Variants in MMP16 observed in about 807,000 individuals in gnomAD.
The protein encoded by MMP16 is matrix metalloproteinase-16.
A neutral mutation model predicts 67.8 loss-of-function variants in MMP16; 12 were observed. The ratio of observed to expected loss-of-function variants is 0.18; its 90% CI spans 0.11 to 0.29. MMP16 has a LOEUF of 0.29. Among genes scored for constraint, MMP16 ranks in the 10% least tolerant of loss-of-function variants. The pLI is 1.00. For missense variants in MMP16, 475 were observed against 765.7 expected (o/e 0.62, Z 4.48); for synonymous variants, 249 against 255.9 (o/e 0.97, Z 0.26).
intron 8 of MMP16, among the ~76,000 whole-genome samples, chr8:88,054,945 T>C (rs1250321762): frequency 6.6e-6 from 1 of 152,268 alleles, no homozygotes; most frequent in African/African-American, 2.4e-5. Context: ...TATGTGTGTA[T>C]TTTCTTAAAA....
chr8:88,111,450 C>T (rs1809335272), intron 6 of MMP16, among the ~76,000 whole-genome samples: 1 of 151,492 alleles, frequency 6.6e-6, no homozygotes, highest in Non-Finnish European at 1.5e-5. Context: ...CCTGTAGAGC[C>T]ACGAGTGTTT....
chr8:88,196,208 TGAA>T (rs1034211191), intron 2 of MMP16, among the ~76,000 whole-genome samples: 1 of 152,196 alleles, frequency 6.6e-6, no homozygotes, highest in Non-Finnish European at 1.5e-5. Context: ...TTCCTATTGT[TGAA>T]GGTTGATGTA....
At chr8:88,274,034 T>C (rs1033931339) in intron 1 of MMP16, among the ~76,000 whole-genome samples, 1 of 152,084 alleles carries the variant, frequency 6.6e-6, no homozygotes, top group Non-Finnish European at 1.5e-5. Flanking sequence ...GAAATACTAG[T>C]TTTATGGGAA....
At chr8:88,139,588 G>A (rs951323510) in intron 4 of MMP16, among the ~76,000 whole-genome samples, 2 of 152,042 alleles carry the variant, frequency 1.3e-5, no homozygotes, top group Non-Finnish European at 2.9e-5. Flanking sequence ...GAAAAGCAGG[G>A]ATAATTGCCA....
intron 6 of MMP16, among the ~76,000 whole-genome samples, chr8:88,075,144 T>C (rs892211653): frequency 7.9e-5 from 12 of 152,102 alleles, no homozygotes; most frequent in Non-Finnish European, 1.5e-4. Context: ...ACCTACCATG[T>C]TGAGGATGAA....
At chr8:88,295,999 A>C (rs1357824323) in intron 1 of MMP16, among the ~76,000 whole-genome samples, 1 of 151,962 alleles carries the variant, frequency 6.6e-6, no homozygotes, top group Non-Finnish European at 1.5e-5. Flanking sequence ...TACATTAATA[A>C]AAATTTCATA....
intron 6 of MMP16, among the ~76,000 whole-genome samples, chr8:88,114,812 C>G (rs1311163743): frequency 6.6e-6 from 1 of 151,932 alleles, no homozygotes; most frequent in Non-Finnish European, 1.5e-5. Context: ...TTTAAGGAAG[C>G]AGGCCTTAGT....
At chr8:88,116,485 A>T in intron 6 of MMP16, 22 bp downstream of exon 6, 2 of 1,605,660 alleles carry the variant, frequency 1.2e-6, no homozygotes, top group Non-Finnish European at 1.7e-6. Flanking sequence ...CTGTTAAAAA[A>T]AAAAAAATCA....
At chr8:88,062,663 G>A (rs79809142) in intron 7 of MMP16, among the ~76,000 whole-genome samples, 2 of 151,408 alleles carry the variant, frequency 1.3e-5, no homozygotes, top group East Asian at 1.9e-4. Context: ...GTTGTGGGGT[G>A]GGGGGAGTGG....
rs534934969 is a variant in MMP16 at position 88,206,336 on chromosome 8, G to T, written c.133-9030C>A. ...AATGTGGTTTCGTTATGATGATGAT[G>T]ATAAAAAAAAATAAATTCCCAGCTG... On this transcript the variant is annotated intron_variant, in intron 1 of 9. Transcript: ENST00000286614. 1.4e-3 allele frequency among the ~76,000 whole-genome samples: 219 copies of T among 152,112 alleles called. 1 individual carries two copies. Among genetic ancestry groups the T allele is most frequent in the South Asian group, 2.5e-3 (12 of 4,820 alleles).
At chr8:88,072,184 G>T (rs1243634107) in intron 7 of MMP16, among the ~76,000 whole-genome samples, 1 of 152,012 alleles carries the variant, frequency 6.6e-6, no homozygotes, top group East Asian at 1.9e-4. Context: ...TCTTTTGAGG[G>T]TGATAAGGGC....
chr8:88,228,603 A>G (rs1809808054), intron 1 of MMP16, among the ~76,000 whole-genome samples: 1 of 152,124 alleles, frequency 6.6e-6, no homozygotes. Flanking sequence ...TTTTACTTAC[A>G]TGTATATACA....
rs898297068 is a variant in MMP16, at chr8:88,132,604, C to T, written c.710-13743G>A. Among the ~76,000 whole-genome samples, 14 of 151,848 alleles carry T rather than the reference C, an allele frequency of 9.2e-5. No homozygotes were observed. In the South Asian group the frequency reaches 1.9e-3, roughly 20 times the overall value. ...ATGTTGGCTATGACATGTCATCTGG[C>T]TTCCTCCATAGTGACTGATGAGACA... On this transcript the variant is annotated intron_variant, in intron 4 of 9. Coordinates refer to ENST00000286614, the MANE Select transcript of MMP16 (RefSeq NM_005941.5).
chr8:88,161,240 A>G (rs532586293), intron 4 of MMP16, among the ~76,000 whole-genome samples: 3 of 152,276 alleles, frequency 2.0e-5, no homozygotes, highest in African/African-American at 7.2e-5. Flanking sequence ...TTACTGGTCT[A>G]TTCAGAGATT....
At chr8:88,093,448 T>A (rs531458796) in intron 6 of MMP16, among the ~76,000 whole-genome samples, 1 of 151,914 alleles carries the variant, frequency 6.6e-6, no homozygotes, top group African/African-American at 2.4e-5. Flanking sequence ...TAAGCGCGAA[T>A]CACTGAGACA....
chr8:88,159,931 C>T (rs577832151), intron 4 of MMP16, among the ~76,000 whole-genome samples: 20 of 149,602 alleles, frequency 1.3e-4, no homozygotes, highest in Middle Eastern at 3.4e-3. Flanking sequence ...TGCTGGATTA[C>T]GTTTATTGAT....
chr8:88,191,853 G>A (rs1367558729), intron 2 of MMP16, among the ~76,000 whole-genome samples: 3 of 152,194 alleles, frequency 2.0e-5, no homozygotes, highest in African/African-American at 7.2e-5. Context: ...GGAAGGCCGT[G>A]CTTCAACAAA....
chr8:88,035,513 T>G lies in MMP16; in HGVS notation c.*5948A>C, dbSNP rs1379855081. On this transcript the variant is annotated 3_prime_UTR_variant, in exon 10 of 10. Transcript: ENST00000286614. This position sits in a 1 kb window ranked among gnomAD's most constrained non-coding sequence, Gnocchi z 4.7. The stretch of plus-strand genomic sequence containing the variant: ...TCTTTCATACATAACTTTTTATACT[T>G]ACTCTGCACTGACCATGAGTTCTGG... 3 of 152,028 alleles carry G rather than the reference T, an allele frequency of 2.0e-5. No homozygotes were observed. The highest frequency in any genetic ancestry group is 4.4e-5 in the Non-Finnish European group (3 of 67,942). The allele number at this position is 152,028 out of a possible 1,614,324, so 9.4% of individuals were successfully genotyped here. A position where few individuals can be genotyped will look rare whatever the true frequency, so the allele number is the denominator to read the frequency against.
chr8:88,106,051 G>GTATATATATATATATA (rs34758855), intron 6 of MMP16, among the ~76,000 whole-genome samples: 15 of 145,426 alleles, frequency 1.0e-4, no homozygotes, highest in African/African-American at 3.3e-4. Flanking sequence ...TACACGTTAT[G>GTATATATATATATATA]TATATATATA....
Sources: allele counts gnomAD v4.1 joint callset (sites outside exome capture counted in the v4.1 genomes callset), GRCh38; gene constraint gnomAD v4.1.1; non-coding constraint Gnocchi (gnomAD v3.1); transcripts MANE v1.5; gene names NCBI Gene and HGNC (gene_info 2026-07-23, HGNC 2026-07-21).